Variants in INPP5K observed in about 807,000 individuals in gnomAD.
The protein encoded by INPP5K is inositol polyphosphate-5-phosphatase K, also known as inositol polyphosphate 5-phosphatase K.
Under a neutral mutation model 53.5 loss-of-function variants are expected in INPP5K, and 35 were observed. That is an observed-to-expected ratio of 0.65 (90% CI 0.50 to 0.87). The LOEUF is 0.87. INPP5K is among the 40% of genes least tolerant of loss of function. INPP5K has a pLI of 0.00. For synonymous variants in INPP5K, 253 were observed against 232.8 expected (o/e 1.09, Z -0.79); for missense variants, 550 against 586.2 (o/e 0.94, Z 0.64).
At position 1,496,783 on chromosome 17, in the gene INPP5K, A is replaced by G. The variant is rs2074860423; in HGVS notation, c.984T>C (p.Ala328=). ...CCTCGGGCATCAGGACGATCAGCGG[A>G]GCAGACACCAATGGCTTCAGCTAGA... The part of the protein sequence containing the change: ...FDLELKPLVS[A]PLIVLMPEDL... The change falls in exon 9 of 12, where the codon GCT becomes GCC. Residue 328 remains alanine (A), a synonymous_variant. Transcript: ENST00000421807. 6.2e-7 allele frequency: 1 copy of G among 1,614,008 alleles called. No individual in the cohort carries two copies. The highest frequency in any genetic ancestry group is 8.5e-7 in the Non-Finnish European group (1 of 1,180,018).
At chr17:1,516,387 C>T (rs1281057861) in intron 1 of INPP5K, 69 bp downstream of exon 1, 1 of 1,497,874 alleles carries the variant, frequency 6.7e-7, no homozygotes, top group Non-Finnish European at 9.0e-7. Context: ...CTTGTCCACC[C>T]CCAGCCCGCA....
intron 8 of INPP5K, among the ~76,000 whole-genome samples, chr17:1,497,325 G>GGGGAA (rs1003934428): frequency 6.6e-6 from 1 of 152,196 alleles, no homozygotes; most frequent in Non-Finnish European, 1.5e-5. Context: ...ATACATAACA[G>GGGGAA]CCAGGCGTGG....
intron 3 of INPP5K, among the ~76,000 whole-genome samples, chr17:1,512,256 C>T (rs923124985): frequency 7.9e-5 from 12 of 152,106 alleles, no homozygotes; most frequent in Admixed American, 2.6e-4. Context: ...GCCAGTCAGC[C>T]GAGAAGCAAG....
rs2074811160 is a variant in INPP5K at position 1,495,691 on chromosome 17, TGG to T, written c.*130_*131del. 2 of 655,060 alleles carry T rather than the reference TGG, an allele frequency of 3.1e-6. No homozygotes were observed. The highest frequency in any genetic ancestry group is 2.8e-5 in the Admixed American group (1 of 35,610). The allele number at this position is 655,060 out of a possible 1,614,324, so 40.6% of individuals were successfully genotyped here. On this transcript the variant is annotated 3_prime_UTR_variant, in exon 12 of 12. Transcript: ENST00000421807. Reference sequence around the variant, plus strand: ...AAATGAGCCTGGTTAGAGCTCACTCTGGGAGGAGTATGTGGACGACACTTGGC... The same window carrying T: ...AAATGAGCCTGGTTAGAGCTCACTCTGAGGAGTATGTGGACGACACTTGGC...
intron 7 of INPP5K, among the ~76,000 whole-genome samples, chr17:1,501,012 G>A (rs924030744): frequency 4.1e-5 from 6 of 147,750 alleles, no homozygotes; most frequent in Admixed American, 6.8e-5. Flanking sequence ...AGGCTGGAGT[G>A]CAGTGGCGCA....
intron 7 of INPP5K, among the ~76,000 whole-genome samples, chr17:1,498,820 C>T (rs1013259064): frequency 4.6e-5 from 7 of 152,192 alleles, no homozygotes; most frequent in Non-Finnish European, 1.0e-4. Context: ...TAGTTTTGAA[C>T]TGCTGGCCTC....
At chr17:1,515,879 C>A in intron 1 of INPP5K, 1 of 980,860 alleles carries the variant, frequency 1.0e-6, no homozygotes, top group Non-Finnish European at 1.2e-6. Context: ...CTTCTTTTCC[C>A]AGACTCACTC....
At chr17:1,505,552 G>A (rs905598353) in intron 7 of INPP5K, among the ~76,000 whole-genome samples, 2 of 152,020 alleles carry the variant, frequency 1.3e-5, no homozygotes, top group African/African-American at 2.4e-5. Flanking sequence ...CTTCCCCAGC[G>A]TCCACTGCCT....
Position 1,498,063 on chromosome 17 carries a change from G to A in INPP5K, c.836C>T (p.Pro279Leu). 1 of 1,614,078 alleles carries A rather than the reference G, an allele frequency of 6.2e-7. No homozygotes were observed. Among genetic ancestry groups the A allele is most frequent in the Non-Finnish European group, 8.5e-7 (1 of 1,179,978 alleles). The change falls in exon 8 of 12, where the codon CCC (proline) becomes CTC (leucine). Residue 279 changes from proline (P) to leucine (L), a missense_variant. Transcript: ENST00000421807. ...TATGGGAGTGTCGGGGCCAGCACAG[G>A]GCTGCCGCTTCAGCCTCCACAGGAT... ...DRILWRLKRQ[P>L]CAGPDTPIPP...
Position 1,513,467 on chromosome 17 carries a change from G to C in INPP5K, c.247C>G (p.Leu83Val). Reference sequence around the variant, plus strand: ...TGGCAAGTTACCTTGATGAAGCTCAGAGGGGAAAGCACATCCATGAGGAAA... The same window carrying C: ...TGGCAAGTTACCTTGATGAAGCTCACAGGGGAAAGCACATCCATGAGGAAA... ...SSFLMDVLSP[L>V]SFIKVSHVRM... Residue 83 changes from leucine to valine, a missense_variant, in exon 3 of 12, where the codon CTG (leucine) becomes GTG (valine). Transcript: ENST00000421807. 1 of 1,614,078 alleles carries C rather than the reference G, an allele frequency of 6.2e-7. No homozygotes were observed. Among genetic ancestry groups the C allele is most frequent in the Non-Finnish European group, 8.5e-7 (1 of 1,179,896 alleles).
chr17:1,508,826 C>T (rs2075229683), intron 5 of INPP5K, among the ~76,000 whole-genome samples: 1 of 105,938 alleles, frequency 9.4e-6, no homozygotes, highest in African/African-American at 3.8e-5. Context: ...CAGACCCAGG[C>T]TCACTCGTGG....
intron 8 of INPP5K, 58 bp downstream of exon 8, chr17:1,497,878 G>C (rs2074898730): frequency 6.9e-7 from 1 of 1,448,552 alleles, no homozygotes; most frequent in African/African-American, 1.4e-5. Flanking sequence ...TGGAGGGCTT[G>C]GGGATGTGGC....
In INPP5K at chr17:1,509,756, G is replaced by C; in HGVS notation, c.305C>G (p.Ala102Gly). Residue 102 changes from alanine (A) to glycine (G), a missense_variant, in exon 4 of 12, where the codon GCC (alanine) becomes GGC (glycine). Coordinates refer to ENST00000421807, the MANE Select transcript of INPP5K (RefSeq NM_016532.4). ...GATATAGGGCAAATGCTGATACTTG[G>C]CAAAGACCAGTAAGAGGATCCCCTG... Reference protein sequence around the residue: ...RMQGILLLVFAKYQHLPYIQI... With the variant: ...RMQGILLLVFGKYQHLPYIQI... The C allele has an allele frequency of 6.2e-7, 1 of 1,613,442 alleles. No homozygotes were observed. The highest frequency in any genetic ancestry group is 1.7e-5 in the Admixed American group (1 of 59,938).
Position 1,496,345 on chromosome 17 carries a change from C to A in INPP5K, c.1159G>T (p.Val387Phe), listed in dbSNP as rs2074838431. 6.4e-7 allele frequency: 1 copy of A among 1,563,278 alleles called. No individual in the cohort carries two copies. Among genetic ancestry groups the A allele is most frequent in the Non-Finnish European group, 8.7e-7 (1 of 1,153,240 alleles). Reference protein sequence around the residue: ...VSYAWVGDSKVSCSDNLNQVY... With the variant: ...VSYAWVGDSKFSCSDNLNQVY... ...TGGTTCAGGTTGTCGCTGCAGGAGA[C>A]CTTGCTGTCCCCGACCCAGGCATAG... The change falls in exon 10 of 12, where the codon GTC becomes TTC. Residue 387 changes from valine to phenylalanine, a missense_variant. Physicochemically the swap from Val to Phe is conservative, Grantham distance 50. Transcript: ENST00000421807.
chr17:1,516,399 C>T lies in INPP5K; in HGVS notation c.44+57G>A, dbSNP rs920143850. 4 of 1,540,476 alleles carry T rather than the reference C, an allele frequency of 2.6e-6. No individual in the cohort carries two copies. In the African/African-American group the frequency reaches 4.2e-5, roughly 16 times the overall value. ...TGCCTTGTCCACCCCCAGCCCGCAG[C>T]CCAAGGGGCGCCGATCCCCCCGAGC... is the stretch of plus-strand genomic sequence containing the variant. On this transcript the variant is annotated intron_variant, in intron 1 of 11. Coordinates refer to ENST00000421807, the MANE Select transcript of INPP5K (RefSeq NM_016532.4).
chr17:1,510,626 ATTCC>A (rs2075285622), intron 3 of INPP5K: 1 of 150,798 alleles, frequency 6.6e-6, no homozygotes. Flanking sequence ...AGCTGCCCCC[ATTCC>A]TCCCTTTTTA....
intron 7 of INPP5K, among the ~76,000 whole-genome samples, chr17:1,506,303 G>T (rs2075153371): frequency 6.6e-6 from 1 of 152,170 alleles, no homozygotes. Context: ...GGGATTACAG[G>T]TGTGAGCCAC....
chr17:1,496,508 G>T, intron 9 of INPP5K, 106 bp from the exon 10 acceptor site: 1 of 1,308,116 alleles, frequency 7.6e-7, no homozygotes, highest in Non-Finnish European at 1.1e-6. Context: ...CGTACTGTGT[G>T]CCTCCCCGCC....
intron 1 of INPP5K, chr17:1,516,209 T>A (rs2075431686): frequency 1.0e-6 from 1 of 975,262 alleles, no homozygotes; most frequent in East Asian, 3.3e-5. Context: ...CACACGGCTG[T>A]CCTCTCCAGA....
Sources: allele counts gnomAD v4.1 joint callset (sites outside exome capture counted in the v4.1 genomes callset), GRCh38; gene constraint gnomAD v4.1.1; transcripts MANE v1.5; gene names NCBI Gene and HGNC (gene_info 2026-07-23, HGNC 2026-07-21).